Variants in CPED1 observed in about 807,000 individuals in gnomAD.
CPED1 encodes cadherin-like and PC-esterase domain-containing protein 1.
CPED1 carries 114 observed loss-of-function variants against 128.2 expected under a neutral mutation model. The observed-to-expected ratio is 0.89, with a 90% confidence interval of 0.76 to 1.04. The LOEUF is 1.04. Ranked by LOEUF, CPED1 falls within the 50% of genes least tolerant of loss-of-function variation. The pLI is 0.00. For missense variants in CPED1, 1,211 were observed against 1,207.1 expected, an observed-to-expected ratio of 1.00 and a Z score of -0.05; for synonymous variants, 462 against 426.7, an observed-to-expected ratio of 1.08 and a Z score of -1.02.
At chr7:121,110,075 G>T (rs1310802304) in intron 7 of CPED1, among the ~76,000 whole-genome samples, 1 of 152,164 alleles carries the variant, frequency 6.6e-6, no homozygotes. Context: ...GGGGATCGGT[G>T]TGCAGTAAGA....
chr7:121,037,343 A>C (rs1792921405), intron 3 of CPED1, among the ~76,000 whole-genome samples: 1 of 152,152 alleles, frequency 6.6e-6, no homozygotes, highest in African/African-American at 2.4e-5. Context: ...ATCCAGTTTC[A>C]TTCTTCTACA....
chr7:121,237,255 G>A (rs1459805138), intron 17 of CPED1, among the ~76,000 whole-genome samples: 2 of 152,116 alleles, frequency 1.3e-5, no homozygotes, highest in African/African-American at 4.8e-5. Context: ...CAGAGAGCCT[G>A]ACTAGTTTGC....
At chr7:121,241,859 A>T (rs1257872965) in intron 17 of CPED1, among the ~76,000 whole-genome samples, 2 of 152,210 alleles carry the variant, frequency 1.3e-5, no homozygotes, top group African/African-American at 2.4e-5. Context: ...TGGAGAAGTA[A>T]ATTTAATCAT....
rs1792288906 is a variant in CPED1, at chr7:121,015,849, G to A, written c.433+1G>A. The A allele has an allele frequency of 1.3e-6, 2 of 1,510,682 alleles. No homozygotes were observed. Among genetic ancestry groups the A allele is most frequent in the Non-Finnish European group, 1.8e-6 (2 of 1,133,660 alleles). The allele number at this position is 1,510,682 out of a possible 1,614,324, so 93.6% of individuals were successfully genotyped here. A position where few individuals can be genotyped will look rare whatever the true frequency, so the allele number is the denominator to read the frequency against. ...CTAGGGCCGGGGCTACTAGAACAAG[G>A]TCAGAATAGTGAGAAGTAACTGCCA... On this transcript the variant is annotated splice_donor_variant, in intron 3 of 22. Transcript: ENST00000310396. LOFTEE classifies it high-confidence loss of function.
intron 18 of CPED1, among the ~76,000 whole-genome samples, chr7:121,246,813 G>GAAAAT (rs1163241155): frequency 6.6e-6 from 1 of 152,078 alleles, no homozygotes; most frequent in East Asian, 1.9e-4. Flanking sequence ...TGCAAAATTT[G>GAAAAT]AAAATAAAAG....
At chr7:121,124,121 T>C (rs1158464789) in intron 7 of CPED1, among the ~76,000 whole-genome samples, 1 of 152,168 alleles carries the variant, frequency 6.6e-6, no homozygotes, top group Non-Finnish European at 1.5e-5. Flanking sequence ...AGTAGGCATT[T>C]CTAAAGAAAT....
intron 7 of CPED1, 80 bp downstream of exon 7, chr7:121,100,174 CT>C: frequency 7.5e-6 from 9 of 1,200,240 alleles, no homozygotes; most frequent in Non-Finnish European, 8.3e-6. Flanking sequence ...ATTTTCCCAC[CT>C]TTATGGTTAT....
intron 16 of CPED1, among the ~76,000 whole-genome samples, chr7:121,212,396 A>G (rs953983227): frequency 6.6e-6 from 1 of 151,984 alleles, no homozygotes; most frequent in African/African-American, 2.4e-5. Flanking sequence ...ATAGGAAAGG[A>G]TCAATTGCTT....
chr7:121,027,405 C>G (rs1792618620), intron 3 of CPED1, among the ~76,000 whole-genome samples: 1 of 152,006 alleles, frequency 6.6e-6, no homozygotes, highest in Non-Finnish European at 1.5e-5. Context: ...CGTGCATATA[C>G]CTAGTAGATA....
At chr7:121,065,647 T>G (rs897503613) in intron 5 of CPED1, among the ~76,000 whole-genome samples, 1 of 152,124 alleles carries the variant, frequency 6.6e-6, no homozygotes, top group African/African-American at 2.4e-5. Flanking sequence ...AGAAATAGAT[T>G]ACCAGTGTTT....
At position 121,266,353 on chromosome 7, in the gene CPED1, A is replaced by G; in HGVS notation, c.2437A>G (p.Lys813Glu). 1 of 1,613,178 alleles carries G rather than the reference A, an allele frequency of 6.2e-7. No homozygotes were observed. Among genetic ancestry groups the G allele is most frequent in the Non-Finnish European group, 8.5e-7 (1 of 1,179,402 alleles). Residue 813 changes from lysine to glutamate, a missense_variant, in exon 19 of 23, where the codon AAG (lysine) becomes GAG (glutamate). Physicochemically the swap from Lys to Glu is moderately conservative, Grantham distance 56. Coordinates refer to ENST00000310396, the MANE Select transcript of CPED1 (RefSeq NM_024913.5). ...ATTCTATCACAACGTCAATGGTGGG[A>G]AGACTTTGATCAGTTATTCCTACTA... Reference protein sequence around the residue: ...TKFYHNVNGGKTLISYSYYPQ... With the variant: ...TKFYHNVNGGETLISYSYYPQ...
At chr7:121,254,527 A>G (rs981269768) in intron 18 of CPED1, among the ~76,000 whole-genome samples, 13 of 152,038 alleles carry the variant, frequency 8.6e-5, no homozygotes, top group African/African-American at 3.1e-4. Context: ...AACTAAGCCA[A>G]AACCTAGCAG....
chr7:121,184,731 T>C (rs1397895694), intron 16 of CPED1, among the ~76,000 whole-genome samples: 1 of 152,178 alleles, frequency 6.6e-6, no homozygotes, highest in Non-Finnish European at 1.5e-5. Flanking sequence ...GTAAAATAGA[T>C]GCAGAAGTGT....
At chr7:121,102,110 A>AT (rs570248518) in intron 7 of CPED1, among the ~76,000 whole-genome samples, 50 of 151,946 alleles carry the variant, frequency 3.3e-4, no homozygotes, top group Admixed American at 5.2e-4. Flanking sequence ...TACTTCTGAT[A>AT]TTTTTTACCA....
At chr7:121,004,311 C>CGGTT (rs1791948520) in intron 2 of CPED1, among the ~76,000 whole-genome samples, 2 of 152,166 alleles carry the variant, frequency 1.3e-5, no homozygotes, top group African/African-American at 4.8e-5. Flanking sequence ...GGCTTAGAAC[C>CGGTT]TATCCTCCTC....
chr7:121,180,346 A>AT (rs888847223), intron 16 of CPED1, among the ~76,000 whole-genome samples: 18 of 152,016 alleles, frequency 1.2e-4, no homozygotes, highest in African/African-American at 3.9e-4. Flanking sequence ...TTAGAAATAT[A>AT]TTTTTTCTTG....
At chr7:120,995,874 C>CTTT (rs894492975) in intron 2 of CPED1, among the ~76,000 whole-genome samples, 13 of 90,200 alleles carry the variant, frequency 1.4e-4, no homozygotes, top group South Asian at 8.0e-4. Flanking sequence ...TCTTCTTCCT[C>CTTT]TTCTTCTTCT....
chr7:121,241,016 A>G (rs1259136935), intron 17 of CPED1, among the ~76,000 whole-genome samples: 1 of 152,130 alleles, frequency 6.6e-6, no homozygotes, highest in Non-Finnish European at 1.5e-5. Context: ...CAGAATTAGA[A>G]TTAGAAAGCA....
intron 16 of CPED1, 107 bp from the exon 17 acceptor site, chr7:121,236,607 C>G (rs540203275): frequency 1.0e-4 from 58 of 571,416 alleles, no homozygotes; most frequent in Non-Finnish European, 1.5e-4. Flanking sequence ...TATTTGCTCC[C>G]TTTTATCCAT....
Sources: gnomAD v4.1 joint callset for allele counts (sites outside exome capture counted in the v4.1 genomes callset) on GRCh38, gnomAD v4.1.1 for gene constraint, MANE v1.5 for transcripts, NCBI Gene and HGNC (gene_info 2026-07-23, HGNC 2026-07-21) for gene names.